Variants in TTN observed in about 807,000 individuals in gnomAD.
The protein encoded by TTN is titin, also known as connectin.
TTN carries 1,525 observed loss-of-function variants against 3,223.0 expected under a neutral mutation model. That is an observed-to-expected ratio of 0.47 (90% CI 0.45 to 0.49). The LOEUF is 0.49. TTN is among the 20% of genes least tolerant of loss of function. The probability of loss-of-function intolerance (pLI) is 0.00; values close to 1 mark genes in which losing one functional copy is unlikely to be tolerated. For missense variants in TTN, 40,786 were observed against 43,424.0 expected (o/e 0.94, Z 5.40); for synonymous variants, 14,094 against 15,161.0 (o/e 0.93, Z 5.17).
chr2:178,537,160 C>A lies in TTN; in HGVS notation c.99949G>T (p.Asp33317Tyr), dbSNP rs1318907026. The change falls in exon 356 of 363, where the codon GAT (aspartate) becomes TAT (tyrosine). Residue 33317 changes from aspartate to tyrosine, a missense_variant. By Grantham distance (160) the Asp-to-Tyr change is radical. Transcript: ENST00000589042. ...TTGGTGATCCAGGAGCCTCCGTCAT[C>A]TGCGGGTGGTTTCCAGCTGATCACT... ...SAVISWKPPA[D>Y]DGGSWITNYV... 2 of 1,613,576 alleles carry A rather than the reference C, an allele frequency of 1.2e-6. No homozygotes were observed. Among genetic ancestry groups the A allele is most frequent in the African/African-American group, 2.7e-5 (2 of 74,914 alleles).
chr2:178,580,717 C>T lies in TTN; in HGVS notation c.66770-108G>A, dbSNP rs2047503546. 6.2e-6 allele frequency: 7 copies of T among 1,131,996 alleles called. No homozygotes were observed. The Admixed American group carries it at 2.0e-4, about 32-fold the overall frequency. 70.1% of individuals were successfully genotyped at this position (1,131,996 alleles called of 1,614,324 possible). A position where few individuals can be genotyped will look rare whatever the true frequency, so the allele number is the denominator to read the frequency against. ...TACATTTATTTTCTAGAGCTGATTT[C>T]TTGTTCTTTAAAACTTCCTTAATAC... On this transcript the variant is annotated intron_variant, in intron 316 of 362. Transcript: ENST00000589042.
In TTN at chr2:178,620,395, C is replaced by T. The variant is rs1370978801; in HGVS notation, c.46126G>A (p.Gly15376Arg). The T allele has an allele frequency of 1.2e-6, 2 of 1,612,112 alleles. No homozygotes were observed. Among genetic ancestry groups the T allele is most frequent in the South Asian group, 1.1e-5 (1 of 90,944 alleles). Residue 15376 changes from glycine to arginine, a missense_variant, in exon 248 of 363, where the codon GGA becomes AGA. By Grantham distance (125) the Gly-to-Arg change is moderately radical. Transcript: ENST00000589042. ...PDEGEYIVTA[G>R]QDKSVAELLI... ...AGCTCAGCAACAGATTTATCTTGTCCAGCAGTGACAATGTATTCACCTTCA... is the reference window on the plus strand; with the variant it reads ...AGCTCAGCAACAGATTTATCTTGTCTAGCAGTGACAATGTATTCACCTTCA...
rs746974034 is a variant in TTN, at chr2:178,558,222, A to G, written c.87132T>C (p.Ile29044=). 1 of 1,605,290 alleles carries G rather than the reference A, an allele frequency of 6.2e-7. No homozygotes were observed. Among genetic ancestry groups the G allele is most frequent in the Admixed American group, 1.7e-5 (1 of 57,634 alleles). Residue 29044 remains isoleucine, a synonymous_variant, in exon 328 of 363, where the codon ATT becomes ATC. Coordinates refer to ENST00000589042, the MANE Select transcript of TTN (RefSeq NM_001267550.2). ...LIKEQLEPPE[I]DMKNFPSHTV... is the part of the protein sequence containing the mutation. ...TGTGACTTGGGAAATTCTTCATATC[A>G]ATTTCAGGTGGTTCTGAAAAATGAG...
In TTN at chr2:178,666,893, C is replaced by G; in HGVS notation, c.35806G>C (p.Val11936Leu). The G allele has an allele frequency of 1.3e-6, 2 of 1,553,668 alleles. No individual in the cohort carries two copies. The highest frequency in any genetic ancestry group is 1.2e-5 in the South Asian group (1 of 82,516). ...PEHPPTEEFEVFKEVIPEGET... is the reference protein window; with the variant it reads ...PEHPPTEEFELFKEVIPEGET... ...CCCTCTGGAATGACTTCCTTGAAGA[C>G]TTCAAACTCTTTAAAGATATTAGTA... Residue 11936 changes from valine to leucine, a missense_variant, in exon 163 of 363, where the codon GTC becomes CTC. Val to Leu is a conservative substitution (Grantham distance 32). Transcript: ENST00000589042.
In TTN at chr2:178,675,081, G is replaced by A. The variant is rs1441434215; in HGVS notation, c.34570C>T (p.Arg11524Ter). The A allele has an allele frequency of 1.0e-5, 16 of 1,558,500 alleles. No homozygotes were observed. Among genetic ancestry groups the A allele is most frequent in the East Asian group, 5.0e-5 (2 of 40,364 alleles). The change falls in exon 150 of 363, where the codon CGA becomes TGA. Residue 11524 changes from arginine to a stop codon, truncating the protein, a stop_gained. Coordinates refer to ENST00000589042, the MANE Select transcript of TTN (RefSeq NM_001267550.2). LOFTEE classifies it high-confidence loss of function. Reference sequence around the variant, plus strand: ...TCCTCTTCTTTAGGGAGAATGATTCGTTTTTCTTCCACCTTCTTAGGCACC... The same window carrying A: ...TCCTCTTCTTTAGGGAGAATGATTCATTTTTCTTCCACCTTCTTAGGCACC... The part of the protein sequence containing the change: ...PEVPKKVEEK[R>*]IILPKEEEVL...
At position 178,589,994 on chromosome 2, in the gene TTN, C is replaced by T; in HGVS notation, c.61731G>A (p.Lys20577=). 1 of 1,613,126 alleles carries T rather than the reference C, an allele frequency of 6.2e-7. No individual in the cohort carries two copies. The change falls in exon 304 of 363, where the codon AAG becomes AAA. Residue 20577 remains lysine (K), a synonymous_variant. Coordinates refer to ENST00000589042, the MANE Select transcript of TTN (RefSeq NM_001267550.2). ...LDRPGPCQNL[K]VTNVTKENCT... is the part of the protein sequence containing the mutation. ...AGTTCTCTTTGGTTACATTGGTAAC[C>T]TTCAAATTCTGGCAAGGCCCAGGTC...
Position 178,714,427 on chromosome 2 carries a change from T to A in TTN, c.26347A>T (p.Ile8783Leu). ...KGEIVRESDN[I>L]WISYSENIAT... ...ATGTTTTCTGAATAAGAAATCCATATGTTGTCACTTTCTCTAACGATTTCT... is the reference window on the plus strand; with the variant it reads ...ATGTTTTCTGAATAAGAAATCCATAAGTTGTCACTTTCTCTAACGATTTCT... Residue 8783 changes from isoleucine to leucine, a missense_variant, in exon 91 of 363, where the codon ATA becomes TTA. Coordinates refer to ENST00000589042, the MANE Select transcript of TTN (RefSeq NM_001267550.2). The A allele has an allele frequency of 6.2e-7, 1 of 1,613,804 alleles. No homozygotes were observed. The highest frequency in any genetic ancestry group is 8.5e-7 in the Non-Finnish European group (1 of 1,179,742).
chr2:178,630,440 CTTAA>C (rs1176287683), intron 238 of TTN, 73 bp from the exon 239 acceptor site: 10 of 1,487,688 alleles, frequency 6.7e-6, no homozygotes, highest in African/African-American at 4.3e-5. Context: ...GATAGATTAT[CTTAA>C]TTAAAGGAAT....
Position 178,535,053 on chromosome 2 carries a change from C to T in TTN, c.101562G>A (p.Gly33854=), listed in dbSNP as rs1421558940. Residue 33854 remains glycine (G), a synonymous_variant, in exon 358 of 363, where the codon GGG becomes GGA. Coordinates refer to ENST00000589042, the MANE Select transcript of TTN (RefSeq NM_001267550.2). ...CCTTCTTTACCAAAACCTGATCAGT[C>T]CCTTTGACTTTAACAAATTTGGCCA... is the stretch of plus-strand genomic sequence containing the variant. ...TYMAKFVKVK[G]TDQVLVKKEI... is the part of the protein sequence containing the mutation. 1 of 1,613,900 alleles carries T rather than the reference C, an allele frequency of 6.2e-7. No homozygotes were observed. Among genetic ancestry groups the T allele is most frequent in the East Asian group, 2.2e-5 (1 of 44,888 alleles).
rs2049187698 is a variant in TTN, at chr2:178,587,112, A to G, written c.64093+6T>C. On this transcript the variant is annotated splice_donor_region_variant and intron_variant, in intron 307 of 362. Transcript: ENST00000589042. Reference sequence around the variant, plus strand: ...GTTAAAAGGAGGAAGAAAGCATAATACTTACTTAGAGGATCTGATGCAAGC... The same window carrying G: ...GTTAAAAGGAGGAAGAAAGCATAATGCTTACTTAGAGGATCTGATGCAAGC... The G allele has an allele frequency of 1.9e-6, 3 of 1,612,934 alleles. No homozygotes were observed. In the African/African-American group the frequency reaches 4.0e-5, roughly 22 times the overall value.
intron 99 of TTN, among the ~76,000 whole-genome samples, chr2:178,709,190 A>G (rs527882477): frequency 6.6e-6 from 1 of 152,192 alleles, no homozygotes; most frequent in Non-Finnish European, 1.5e-5. Context: ...TAACTCAATA[A>G]TAGTCAAGTT....
rs775970254 is a variant in TTN at position 178,573,556 on chromosome 2, T to C, written c.72576A>G (p.Glu24192=). The C allele has an allele frequency of 5.3e-6, 8 of 1,498,358 alleles. No individual in the cohort carries two copies. The highest frequency in any genetic ancestry group is 7.1e-6 in the Non-Finnish European group (8 of 1,126,580). The allele number at this position is 1,498,358 out of a possible 1,614,324, so 92.8% of individuals were successfully genotyped here. A position where few individuals can be genotyped will look rare whatever the true frequency, so the allele number is the denominator to read the frequency against. The change falls in exon 326 of 363, where the codon GAA becomes GAG. Residue 24192 remains glutamate (E), a synonymous_variant. Transcript: ENST00000589042. ...TTACAGCCATGACACGGAATATGTA[T>C]TCATTGCCTTTCAAGAGTTTAGTGA... is the stretch of plus-strand genomic sequence containing the variant. The part of the protein sequence containing the change: ...LKVTKLLKGN[E]YIFRVMAVNK...
Position 178,604,803 on chromosome 2 carries a change from C to T in TTN, c.54286G>A (p.Glu18096Lys). 1 of 1,612,448 alleles carries T rather than the reference C, an allele frequency of 6.2e-7. No homozygotes were observed. Among genetic ancestry groups the T allele is most frequent in the Non-Finnish European group, 8.5e-7 (1 of 1,179,048 alleles). Residue 18096 changes from glutamate (E) to lysine (K), a missense_variant, in exon 281 of 363, where the codon GAA becomes AAA. Physicochemically the swap from Glu to Lys is moderately conservative, Grantham distance 56. Transcript: ENST00000589042. ...WDAPLDNGGS[E>K]ITHYVIDKRD... is the part of the protein sequence containing the mutation. ...TTGTCAATAACATAATGGGTGATTT[C>T]ACTGCCACCATTATCAAGAGGGGCA...
In TTN at chr2:178,790,014, A is replaced by T. The variant is rs2093405845; in HGVS notation, c.1902T>A (p.Thr634=). 1 of 1,613,192 alleles carries T rather than the reference A, an allele frequency of 6.2e-7. No homozygotes were observed. ...DLVSRGREGI[T]TKREQVQITQ... ...TTATTTGCACTTGTTCTCTTTTGGT[A>T]GTAATGCCTTCTCTACCTCTTGATA... is the stretch of plus-strand genomic sequence containing the variant. Residue 634 remains threonine (T), a synonymous_variant, in exon 12 of 363, where the codon ACT becomes ACA. Transcript: ENST00000589042.
chr2:178,717,948 A>T lies in TTN; in HGVS notation c.25058T>A (p.Ile8353Asn). 1 of 1,610,916 alleles carries T rather than the reference A, an allele frequency of 6.2e-7. No homozygotes were observed. The highest frequency in any genetic ancestry group is 1.1e-5 in the South Asian group (1 of 90,916). ...GAVASSAVLV[I>N]KARKLPPFFA... ...AGGTTAAACAACACCATCACCTTTG[A>T]TAACAAGCACAGCTGAAGAAGCGAC... The change falls in exon 86 of 363, where the codon ATC becomes AAC. Residue 8353 changes from isoleucine (I) to asparagine (N), a missense_variant. By Grantham distance (149) the Ile-to-Asn change is moderately radical (BLOSUM62 -3). Coordinates refer to ENST00000589042, the MANE Select transcript of TTN (RefSeq NM_001267550.2).
At chr2:178,646,609 A>C (rs1484524290) in intron 215 of TTN, 50 bp from the exon 216 acceptor site, 1 of 1,087,430 alleles carries the variant, frequency 9.2e-7, no homozygotes, top group African/African-American at 1.6e-5. Context: ...AAAGTTCTTC[A>C]AAAAGACTCA....
Position 178,604,301 on chromosome 2 carries a change from C to T in TTN, c.54386G>A (p.Trp18129Ter). ...ATACTGACCATTGGGGATAAGTTTC[C>T]AGATCTAGAAATTAGAAAAACAGAA... ...NTAVEKRYGI[W>*]KLIPNGQYEF... The change falls in exon 282 of 363, where the codon TGG becomes TAG. Residue 18129 changes from tryptophan (W) to a stop codon, truncating the protein, a stop_gained. Transcript: ENST00000589042. LOFTEE classifies it high-confidence loss of function. The T allele has an allele frequency of 6.9e-7, 1 of 1,444,054 alleles. No homozygotes were observed. Among genetic ancestry groups the T allele is most frequent in the Non-Finnish European group, 9.1e-7 (1 of 1,094,708 alleles). 89.5% of individuals were successfully genotyped at this position (1,444,054 alleles called of 1,614,324 possible). A position where few individuals can be genotyped will look rare whatever the true frequency, so the allele number is the denominator to read the frequency against.
In TTN at chr2:178,566,082, G is replaced by C. The variant is rs1705731534; in HGVS notation, c.80050C>G (p.Pro26684Ala). 3 of 1,613,620 alleles carry C rather than the reference G, an allele frequency of 1.9e-6. No homozygotes were observed. Among genetic ancestry groups the C allele is most frequent in the Non-Finnish European group, 2.5e-6 (3 of 1,179,692 alleles). Residue 26684 changes from proline (P) to alanine (A), a missense_variant, in exon 326 of 363, where the codon CCA (proline) becomes GCA (alanine). Coordinates refer to ENST00000589042, the MANE Select transcript of TTN (RefSeq NM_001267550.2). ...ACTGCCAAATTCTGTGGTGGTCCTG[G>C]AGTGTCAAGAACTTTCACAGTTACA... The part of the protein sequence containing the change: ...AFVTVKVLDT[P>A]GPPQNLAVKE...
At position 178,718,897 on chromosome 2, in the gene TTN, G is replaced by A. The variant is rs1382027930; in HGVS notation, c.24303C>T (p.Ile8101=). The part of the protein sequence containing the change: ...PGMSLTFTSV[I]RGTPPFKVKW... ...TGACCTTGAAAGGAGGGGTGCCTCT[G>A]ATGACACTGGTGAATGTGAGGCTCA... is the stretch of plus-strand genomic sequence containing the variant. The change falls in exon 84 of 363, where the codon ATC becomes ATT. Residue 8101 remains isoleucine (I), a synonymous_variant. Coordinates refer to ENST00000589042, the MANE Select transcript of TTN (RefSeq NM_001267550.2). 6.2e-7 allele frequency: 1 copy of A among 1,613,434 alleles called. No homozygotes were observed. The highest frequency in any genetic ancestry group is 1.3e-5 in the African/African-American group (1 of 75,014).
Sources: gnomAD v4.1 joint callset for allele counts (sites outside exome capture counted in the v4.1 genomes callset) on GRCh38, gnomAD v4.1.1 for gene constraint, MANE v1.5 for transcripts, NCBI Gene and HGNC (gene_info 2026-07-23, HGNC 2026-07-21) for gene names.